PI4KA: variants seen among roughly 807,000 people sequenced by gnomAD.
The protein encoded by PI4KA is phosphatidylinositol 4-kinase alpha, also known as PI4-kinase alpha.
In PI4KA, 122 loss-of-function variants were observed where a neutral mutation model predicts 271.4. The observed-to-expected ratio is 0.45, with a 90% CI of 0.39 to 0.52. The LOEUF is 0.52. PI4KA is among the 20% of genes least tolerant of loss of function. PI4KA has a pLI of 0.00. For missense variants in PI4KA, 1,969 were observed against 2,769.1 expected, an observed-to-expected ratio of 0.71 and a Z score of 6.48; for synonymous variants, 1,041 against 1,078.8, an observed-to-expected ratio of 0.96 and a Z score of 0.69.
intron 19 of PI4KA, chr22:20,784,333 G>A: frequency 1.3e-6 from 2 of 1,569,684 alleles, no homozygotes; most frequent in Non-Finnish European, 1.7e-6. Flanking sequence ...TTTTTAAAAA[G>A]GGAGAATTAT....
At chr22:20,721,012 G>A (rs1208205590) in intron 43 of PI4KA, among the ~76,000 whole-genome samples, 1 of 152,206 alleles carries the variant, frequency 6.6e-6, no homozygotes, top group African/African-American at 2.4e-5. Flanking sequence ...AGTCACAGTT[G>A]TGTTGACCAT....
intron 1 of PI4KA, among the ~76,000 whole-genome samples, chr22:20,848,151 T>C (rs554288795): frequency 6.0e-5 from 9 of 151,260 alleles, no homozygotes; most frequent in Non-Finnish European, 1.3e-4. Context: ...GGCAGGAGAA[T>C]TGCTTGAACC....
intron 1 of PI4KA, among the ~76,000 whole-genome samples, chr22:20,858,287 C>T (rs1024892614): frequency 7.9e-5 from 12 of 152,166 alleles, no homozygotes; most frequent in Non-Finnish European, 1.3e-4. Flanking sequence ...TCACAAGATG[C>T]TCCCTGGGCC....
intron 19 of PI4KA, among the ~76,000 whole-genome samples, chr22:20,788,988 G>A (rs759077654): frequency 6.6e-5 from 10 of 152,062 alleles, no homozygotes; most frequent in African/African-American, 9.7e-5. Flanking sequence ...TGCTACAGCC[G>A]GTGTGGAGTC....
intron 42 of PI4KA, 171 bp from the exon 43 acceptor site, chr22:20,721,589 G>A: frequency 1.5e-6 from 1 of 655,254 alleles, no homozygotes; most frequent in Non-Finnish European, 2.6e-6. Context: ...CCAGTGGCCA[G>A]GCCAAGTTCC....
chr22:20,763,392 G>A (rs976430137), intron 22 of PI4KA, among the ~76,000 whole-genome samples: 1 of 151,472 alleles, frequency 6.6e-6, no homozygotes, highest in African/African-American at 2.4e-5. Flanking sequence ...TGACAGGAGT[G>A]AGCCACTGCA....
chr22:20,800,189 T>G (rs1023666390), intron 14 of PI4KA, among the ~76,000 whole-genome samples: 11 of 152,160 alleles, frequency 7.2e-5, no homozygotes, highest in Non-Finnish European at 1.0e-4. Context: ...TTAAAGCCCC[T>G]AAAAACATAA....
At chr22:20,826,684 C>A (rs1923464514) in intron 3 of PI4KA, among the ~76,000 whole-genome samples, 1 of 152,190 alleles carries the variant, frequency 6.6e-6, no homozygotes. Flanking sequence ...TGTAAGTGTT[C>A]CCTTTTCTCT....
intron 32 of PI4KA, among the ~76,000 whole-genome samples, chr22:20,739,121 G>T (rs1057125503): frequency 1.3e-5 from 2 of 151,706 alleles, no homozygotes; most frequent in African/African-American, 4.8e-5. Flanking sequence ...CGAGGCGGGC[G>T]GATCACAAGG....
Position 20,764,959 on chromosome 22 carries a change from A to G in PI4KA, c.2575-9T>C. On this transcript the variant is annotated splice_polypyrimidine_tract_variant and intron_variant, in intron 21 of 54. Transcript: ENST00000255882. ...AGCTCACTCAGCTCAGCCTGGAGGG[A>G]GAGAAACATCCGAGGGCTCATGGGG... The G allele has an allele frequency of 1.2e-6, 2 of 1,600,754 alleles. No homozygotes were observed. The highest frequency in any genetic ancestry group is 2.7e-5 in the African/African-American group (2 of 74,834).
intron 28 of PI4KA, among the ~76,000 whole-genome samples, chr22:20,749,535 C>A (rs1253736493): frequency 6.6e-6 from 1 of 152,264 alleles, no homozygotes; most frequent in Admixed American, 6.5e-5. Flanking sequence ...TTGGTCAGGC[C>A]CCTGCCTTTG....
In PI4KA at chr22:20,772,591, A is replaced by T. The variant is rs531055115; in HGVS notation, c.2329-6898T>A. Among the ~76,000 whole-genome samples the T allele has an allele frequency of 3.3e-5, 5 of 152,294 alleles. No individual in the cohort carries two copies. In the South Asian group the frequency reaches 1.0e-3, roughly 32 times the overall value. ...TTACACTCTGGAATTTCTCAAACGG[A>T]GCAATGCACAGACACCCCCATGGGC... is the stretch of plus-strand genomic sequence containing the variant. On this transcript the variant is annotated intron_variant, in intron 19 of 54. Transcript: ENST00000255882.
chr22:20,795,880 G>A (rs1461263172), intron 18 of PI4KA, among the ~76,000 whole-genome samples: 1 of 152,152 alleles, frequency 6.6e-6, no homozygotes, highest in Non-Finnish European at 1.5e-5. Context: ...GGGAGCTGAG[G>A]CTAGACTGTT....
chr22:20,787,214 G>T, intron 19 of PI4KA: 1 of 732,942 alleles, frequency 1.4e-6, no homozygotes, highest in South Asian at 1.6e-5. Context: ...GCTTAGAAAC[G>T]ACCAAGAAGA....
At chr22:20,769,309 C>T (rs926944827) in intron 19 of PI4KA, among the ~76,000 whole-genome samples, 15 of 152,128 alleles carry the variant, frequency 9.9e-5, no homozygotes, top group Admixed American at 9.8e-4. Flanking sequence ...TTCTCCGAGC[C>T]TGCTGGCCAC....
At chr22:20,845,815 T>C (rs1279102862) in intron 1 of PI4KA, among the ~76,000 whole-genome samples, 1 of 152,068 alleles carries the variant, frequency 6.6e-6, no homozygotes, top group African/African-American at 2.4e-5. Flanking sequence ...CAGTAAGCTA[T>C]GATCGTGCCA....
chr22:20,848,063 C>T (rs971633614), intron 1 of PI4KA, among the ~76,000 whole-genome samples: 6 of 151,990 alleles, frequency 3.9e-5, no homozygotes, highest in African/African-American at 1.4e-4. Flanking sequence ...CATGGCAAAA[C>T]CCTGTCTCTG....
chr22:20,756,467 G>A lies in PI4KA; in HGVS notation c.2792-3287C>T, dbSNP rs775529198. Among the ~76,000 whole-genome samples, 119 of 151,718 alleles carry A rather than the reference G, an allele frequency of 7.8e-4. 1 individual carries two copies. The highest frequency in any genetic ancestry group is 1.1e-3 in the Non-Finnish European group (72 of 67,890). ...ACTCCTGATCTCAAATGATCCACCC[G>A]CCTTGGCCTCCCAAAGTGCTGGGAT... On this transcript the variant is annotated intron_variant, in intron 23 of 54. Coordinates refer to ENST00000255882, the MANE Select transcript of PI4KA (RefSeq NM_058004.4).
intron 22 of PI4KA, among the ~76,000 whole-genome samples, chr22:20,762,595 T>C (rs1932087330): frequency 6.6e-6 from 1 of 152,120 alleles, no homozygotes; most frequent in African/African-American, 2.4e-5. Flanking sequence ...AAGGCAGAGG[T>C]AGCTCTGCCT....
Sources: allele counts gnomAD v4.1 joint callset (sites outside exome capture counted in the v4.1 genomes callset), GRCh38; gene constraint gnomAD v4.1.1; transcripts MANE v1.5; gene names NCBI Gene and HGNC (gene_info 2026-07-23, HGNC 2026-07-21).